The following NOTCH1 variants were observed in gnomAD, a reference collection of about 807,000 sequenced individuals.
NOTCH1 encodes the protein notch receptor 1.
Under a neutral mutation model 254.8 loss-of-function variants are expected in NOTCH1, and 37 were observed. The ratio of observed to expected loss-of-function variants is 0.15; its 90% CI spans 0.11 to 0.19. NOTCH1 has a LOEUF of 0.19. NOTCH1 is among the 10% of genes least tolerant of loss of function. The probability of loss-of-function intolerance (pLI) is 1.00; values close to 1 mark genes in which losing one functional copy is unlikely to be tolerated. For missense variants in NOTCH1, 2,972 were observed against 3,708.6 expected, an observed-to-expected ratio of 0.80 and a Z score of 5.16; for synonymous variants, 1,731 against 1,618.1, an observed-to-expected ratio of 1.07 and a Z score of -1.68.
At chr9:136,544,544 G>A (rs1348004189) in intron 1 of NOTCH1, among the ~76,000 whole-genome samples, 1 of 152,192 alleles carries the variant, frequency 6.6e-6, no homozygotes, top group Non-Finnish European at 1.5e-5. Context: ...GTTCTGCAAG[G>A]GGGCAGAGCT....
chr9:136,535,460 T>C (rs1266412686), intron 2 of NOTCH1, among the ~76,000 whole-genome samples: 1 of 132,064 alleles, frequency 7.6e-6, no homozygotes, highest in Non-Finnish European at 1.6e-5. Context: ...GGGTGCAGGG[T>C]AGGCGGGGAG....
At chr9:136,504,530 G>T in intron 26 of NOTCH1, 143 bp downstream of exon 26, 1 of 935,142 alleles carries the variant, frequency 1.1e-6, no homozygotes, top group South Asian at 1.8e-5. Context: ...GAAGTCCCAG[G>T]TCCTCTCGGA....
chr9:136,514,228 C>T (rs960454442), intron 13 of NOTCH1, among the ~76,000 whole-genome samples: 8 of 152,356 alleles, frequency 5.3e-5, no homozygotes, highest in South Asian at 2.1e-4. Context: ...GAAACACTTG[C>T]GGCTGTTACC....
intron 30 of NOTCH1, among the ~76,000 whole-genome samples, chr9:136,501,199 C>T (rs759246348): frequency 1.2e-4 from 19 of 152,260 alleles, no homozygotes; most frequent in Admixed American, 2.6e-4. Context: ...TGGGGGAGGC[C>T]GAGGTGGGCG....
At position 136,494,526 on chromosome 9, in the gene NOTCH1, C is replaced by A. The variant is rs928999754; in HGVS notation, c.*1545G>T. On this transcript the variant is annotated 3_prime_UTR_variant, in exon 34 of 34. Transcript: ENST00000651671. ...ATCATCTACAGTTCCTCATGTAGAT[C>A]ACTTTTAAAGTCTTTTTCTGTAAAC... 2.5e-6 allele frequency: 1 copy of A among 398,920 alleles called. No homozygotes were observed. The highest frequency in any genetic ancestry group is 4.4e-6 in the Non-Finnish European group (1 of 226,088). The allele number at this position is 398,920 out of a possible 1,614,324, so 24.7% of individuals were successfully genotyped here.
At chr9:136,524,081 C>T in intron 2 of NOTCH1, 102 bp from the exon 3 acceptor site, 1 of 1,440,106 alleles carries the variant, frequency 6.9e-7, no homozygotes. Flanking sequence ...CCTCCCCCCA[C>T]ACCCCGGGCA....
In NOTCH1 at chr9:136,523,759, T is replaced by C. The variant is rs587778570; in HGVS notation, c.361A>G (p.Thr121Ala). The change falls in exon 3 of 34, where the codon ACG (threonine) becomes GCG (alanine). Residue 121 changes from threonine (T) to alanine (A), a missense_variant. Around this residue, in one of 8 missense-constraint regions of NOTCH1, gnomAD observed 374 missense variants for 496.3 expected, o/e 0.75. Coordinates refer to ENST00000651671, the MANE Select transcript of NOTCH1 (RefSeq NM_017617.5). ...CRNGGTCDLL[T>A]LTEYKCRCPP... Reference sequence around the variant, plus strand: ...CAGCGGCACTTGTACTCCGTCAGCGTGAGCAGGTCGCAGGTGCCCCCGTTG... The same window carrying C: ...CAGCGGCACTTGTACTCCGTCAGCGCGAGCAGGTCGCAGGTGCCCCCGTTG... 5 of 1,611,316 alleles carry C rather than the reference T, an allele frequency of 3.1e-6. No homozygotes were observed. The East Asian group carries it at 1.1e-4, about 36-fold the overall frequency.
chr9:136,527,558 G>T (rs1564206063), intron 2 of NOTCH1, among the ~76,000 whole-genome samples: 1 of 152,188 alleles, frequency 6.6e-6, no homozygotes, highest in South Asian at 2.1e-4. Flanking sequence ...AGACCCCTCT[G>T]GGGCTAAAAA....
In NOTCH1 at chr9:136,511,219, G is replaced by A. The variant is rs546222078; in HGVS notation, c.2520C>T (p.Asn840=). 65 of 1,612,638 alleles carry A rather than the reference G, an allele frequency of 4.0e-5. No homozygotes were observed. The highest frequency in any genetic ancestry group is 1.6e-4 in the Middle Eastern group (1 of 6,082). ...LAPCAPSPCR[N]GGECRQSEDY... is the part of the protein sequence containing the mutation. The stretch of plus-strand genomic sequence containing the variant: ...CCTCGGATTGCCTGCACTCCCCGCC[G>A]TTTCTGCAGGGGCTGGGGGCACACG... The change falls in exon 16 of 34, where the codon AAC becomes AAT. Residue 840 remains asparagine (N), a synonymous_variant. Transcript: ENST00000651671.
chr9:136,529,539 G>A (rs900656098), intron 2 of NOTCH1, among the ~76,000 whole-genome samples: 1 of 152,236 alleles, frequency 6.6e-6, no homozygotes, highest in African/African-American at 2.4e-5. Flanking sequence ...GGGGATGGAG[G>A]AGGCTTGGGA....
chr9:136,508,788 T>C, intron 19 of NOTCH1, 82 bp downstream of exon 19: 1 of 1,360,458 alleles, frequency 7.4e-7, no homozygotes, highest in Non-Finnish European at 1.0e-6. Context: ...CAGTGGGACC[T>C]GGGGTGACCG....
intron 26 of NOTCH1, 22 bp downstream of exon 26, chr9:136,504,651 G>A (rs1045631430): frequency 5.4e-6 from 8 of 1,489,956 alleles, no homozygotes; most frequent in East Asian, 2.5e-5. Context: ...GGGATTGACC[G>A]TGGGCGCCGG....
At chr9:136,512,978 A>G (rs1182489135) in intron 15 of NOTCH1, 43 bp downstream of exon 15, 3 of 405,244 alleles carry the variant, frequency 7.4e-6, no homozygotes, top group Non-Finnish European at 1.4e-5. Context: ...CCCCTCCCAC[A>G]TAGGCCCCGC....
chr9:136,533,778 C>A (rs2133392197), intron 2 of NOTCH1, among the ~76,000 whole-genome samples: 1 of 152,376 alleles, frequency 6.6e-6, no homozygotes, highest in East Asian at 1.9e-4. Flanking sequence ...GCCAAAAGCT[C>A]CAGCCTCCTA....
chr9:136,502,122 C>G (rs374628959), intron 28 of NOTCH1, 34 bp from the exon 29 acceptor site: 1 of 1,610,456 alleles, frequency 6.2e-7, no homozygotes, highest in South Asian at 1.1e-5. Flanking sequence ...TGAGGCTGAG[C>G]GAGCTCCCTA....
chr9:136,518,662 G>A lies in NOTCH1; in HGVS notation c.1028C>T (p.Ala343Val). 6.2e-7 allele frequency: 1 copy of A among 1,612,376 alleles called. No individual in the cohort carries two copies. The highest frequency in any genetic ancestry group is 8.5e-7 in the Non-Finnish European group (1 of 1,179,948). ...SENIDDCASAACFHGATCHDR... is the reference protein window; with the variant it reads ...SENIDDCASAVCFHGATCHDR... ...ATGGCAGGTGGCGCCGTGGAAGCAGGCGGCGCTGGCACAGTCATCAATGTT... is the reference window on the plus strand; with the variant it reads ...ATGGCAGGTGGCGCCGTGGAAGCAGACGGCGCTGGCACAGTCATCAATGTT... Residue 343 changes from alanine (A) to valine (V), a missense_variant, in exon 6 of 34, where the codon GCC becomes GTC. Ala to Val is a moderately conservative substitution (Grantham distance 64, BLOSUM62 0). Around this residue, in one of 8 missense-constraint regions of NOTCH1, gnomAD observed 90 missense variants for 183.6 expected, o/e 0.49. Coordinates refer to ENST00000651671, the MANE Select transcript of NOTCH1 (RefSeq NM_017617.5).
In NOTCH1 at chr9:136,496,903, G is replaced by A. The variant is rs200370953; in HGVS notation, c.6836C>T (p.Ala2279Val). Residue 2279 changes from alanine to valine, a missense_variant, in exon 34 of 34, where the codon GCC (alanine) becomes GTC (valine). Around this residue, in one of 8 missense-constraint regions of NOTCH1, gnomAD observed 529 missense variants for 529.2 expected, o/e 1.00. Transcript: ENST00000651671. ...GPPRLSHLPV[A>V]SGTSTVLGSS... ...GCCCAGGACGGTGCTGGTGCCAGAG[G>A]CCACAGGCAGGTGGGAGAGACGAGG... 153 of 1,612,782 alleles carry A rather than the reference G, an allele frequency of 9.5e-5. No homozygotes were observed. The African/African-American group carries it at 1.9e-3, about 20-fold the overall frequency.
At chr9:136,543,843 C>T (rs1026467280) in intron 2 of NOTCH1, 181 bp downstream of exon 2, 1 of 699,368 alleles carries the variant, frequency 1.4e-6, no homozygotes, top group African/African-American at 1.7e-5. Context: ...CCACACGCAG[C>T]ATAATTGCTG....
intron 2 of NOTCH1, among the ~76,000 whole-genome samples, chr9:136,541,221 G>A (rs1012813243): frequency 1.3e-5 from 2 of 152,144 alleles, no homozygotes; most frequent in Non-Finnish European, 2.9e-5. Context: ...ACCAGGCCAC[G>A]GCGACACTCT....
Sources: gnomAD v4.1 joint callset for allele counts (sites outside exome capture counted in the v4.1 genomes callset) on GRCh38, gnomAD v4.1.1 for gene constraint, gnomAD v4.1.1 regional missense constraint, MANE v1.5 for transcripts, NCBI Gene and HGNC (gene_info 2026-07-23, HGNC 2026-07-21) for gene names.